The following PCSK6 variants were observed in gnomAD, a reference collection of about 807,000 sequenced individuals.
PCSK6 encodes proprotein convertase subtilisin/kexin type 6, also known as paired basic amino acid cleaving enzyme 4.
In PCSK6, 85 loss-of-function variants were observed where a neutral mutation model predicts 123.3. That is an observed-to-expected ratio of 0.69 (90% CI 0.58 to 0.83). The LOEUF (loss-of-function observed/expected upper bound fraction) is 0.83. Among genes scored for constraint, PCSK6 ranks in the 40% least tolerant of loss-of-function variants. The pLI is 0.00. For missense variants in PCSK6, 1,191 were observed against 1,282.3 expected (o/e 0.93, Z 1.09); for synonymous variants, 508 against 516.0 (o/e 0.98, Z 0.21).
At chr15:101,406,777 C>T (rs962383543) in intron 6 of PCSK6, among the ~76,000 whole-genome samples, 5 of 152,096 alleles carry the variant, frequency 3.3e-5, no homozygotes, top group East Asian at 1.9e-4. Context: ...TGTGGGGACG[C>T]GCGGGGGATC....
chr15:101,374,050 G>A (rs1410571225), intron 11 of PCSK6, among the ~76,000 whole-genome samples: 2 of 152,182 alleles, frequency 1.3e-5, no homozygotes, highest in African/African-American at 4.8e-5. Context: ...CCTGGAGACC[G>A]TGCGTTGTTG....
At chr15:101,466,927 C>T (rs1006511831) in intron 1 of PCSK6, among the ~76,000 whole-genome samples, 1 of 151,908 alleles carries the variant, frequency 6.6e-6, no homozygotes, top group African/African-American at 2.4e-5. Context: ...AGATGGGGTG[C>T]GGGGACAGTT....
At chr15:101,461,557 G>T (rs1268056502) in intron 1 of PCSK6, among the ~76,000 whole-genome samples, 1 of 152,128 alleles carries the variant, frequency 6.6e-6, no homozygotes, top group Non-Finnish European at 1.5e-5. Context: ...GGAAACTCTA[G>T]GTCCACTTTA....
intron 7 of PCSK6, 29 bp from the exon 8 acceptor site, chr15:101,393,453 C>A: frequency 6.3e-7 from 1 of 1,579,856 alleles, no homozygotes; most frequent in Non-Finnish European, 8.6e-7. Flanking sequence ...CAAGGCTTAG[C>A]CCCGCAGCAG....
At chr15:101,319,086 T>C (rs1319557219) in intron 18 of PCSK6, among the ~76,000 whole-genome samples, 1 of 152,202 alleles carries the variant, frequency 6.6e-6, no homozygotes, top group African/African-American at 2.4e-5. Flanking sequence ...CTTCCCAGTG[T>C]TCGACCCCAA....
At chr15:101,480,700 C>CAGTGGGGCCTCCAGGGCACT (rs1199383214) in intron 1 of PCSK6, among the ~76,000 whole-genome samples, 1 of 152,184 alleles carries the variant, frequency 6.6e-6, no homozygotes, top group South Asian at 2.1e-4. Flanking sequence ...TCCAGGGCAC[C>CAGTGGGGCCTCCAGGGCACT]AGTGGGGCCT....
chr15:101,326,508 CAG>C, intron 15 of PCSK6, 29 bp from the exon 16 acceptor site: 1 of 1,538,360 alleles, frequency 6.5e-7, no homozygotes, highest in Non-Finnish European at 8.8e-7. Flanking sequence ...GCCTTTCATC[CAG>C]AGAGACGCCT....
chr15:101,460,346 G>C (rs756021432), intron 1 of PCSK6, among the ~76,000 whole-genome samples: 1 of 151,940 alleles, frequency 6.6e-6, no homozygotes, highest in Non-Finnish European at 1.5e-5. Context: ...TCCTTCACCA[G>C]TATTATGCTG....
At chr15:101,428,561 G>C (rs1024878584) in intron 5 of PCSK6, among the ~76,000 whole-genome samples, 2 of 152,198 alleles carry the variant, frequency 1.3e-5, no homozygotes, top group Non-Finnish European at 2.9e-5. Context: ...CAGCAGCTGG[G>C]AGACTATGAA....
intron 6 of PCSK6, among the ~76,000 whole-genome samples, chr15:101,410,562 G>A (rs1419021296): frequency 6.6e-6 from 1 of 152,234 alleles, no homozygotes; most frequent in African/African-American, 2.4e-5. Context: ...TTTAGGCCAG[G>A]AGGAAGAGGC....
intron 20 of PCSK6, among the ~76,000 whole-genome samples, chr15:101,309,634 C>T (rs970132419): frequency 1.3e-5 from 2 of 152,240 alleles, no homozygotes; most frequent in Admixed American, 6.5e-5. Flanking sequence ...ACGCAGCATG[C>T]GCATTGGCAG....
intron 13 of PCSK6, among the ~76,000 whole-genome samples, chr15:101,350,281 C>A (rs1358204631): frequency 6.6e-6 from 1 of 152,070 alleles, no homozygotes; most frequent in Admixed American, 6.6e-5. Flanking sequence ...GTTTTCTTTA[C>A]GAATTGCTTT....
intron 1 of PCSK6, among the ~76,000 whole-genome samples, chr15:101,455,386 C>T (rs886069493): frequency 6.6e-6 from 1 of 152,242 alleles, no homozygotes; most frequent in African/African-American, 2.4e-5. Context: ...TGGCCCCTCT[C>T]TATTGTGTGG....
intron 1 of PCSK6, among the ~76,000 whole-genome samples, chr15:101,456,195 G>A (rs2057172993): frequency 6.6e-6 from 1 of 152,140 alleles, no homozygotes; most frequent in Admixed American, 6.5e-5. Context: ...AGAGAAGACA[G>A]ATCATCCTAC....
intron 13 of PCSK6, chr15:101,364,844 C>A: frequency 1.8e-6 from 1 of 562,006 alleles, no homozygotes; most frequent in Non-Finnish European, 3.3e-6. Flanking sequence ...CCCAAAATAG[C>A]CAAAACAATC....
At chr15:101,413,958 T>C (rs2055796786) in intron 6 of PCSK6, among the ~76,000 whole-genome samples, 2 of 152,168 alleles carry the variant, frequency 1.3e-5, no homozygotes, top group African/African-American at 4.8e-5. Context: ...AATTCAAATA[T>C]AACAATATAG....
intron 13 of PCSK6, among the ~76,000 whole-genome samples, chr15:101,349,184 C>G (rs117414536): frequency 6.6e-6 from 1 of 152,080 alleles, no homozygotes; most frequent in Admixed American, 6.5e-5. Flanking sequence ...GGCTCTGCCC[C>G]GGGGGCCTGC....
rs201906327 is a variant in PCSK6, at chr15:101,438,932, G to A, written c.402+4624C>T. Among the ~76,000 whole-genome samples, 29 of 152,362 alleles carry A rather than the reference G, an allele frequency of 1.9e-4. No individual in the cohort carries two copies. In the East Asian group the frequency reaches 4.2e-3, roughly 22 times the overall value. ...CAACAGCAGGGGAAGGTGGGGAGCCGTCTGTGCAAAAGCTCTGCAGAGGGA... is the reference window on the plus strand; with the variant it reads ...CAACAGCAGGGGAAGGTGGGGAGCCATCTGTGCAAAAGCTCTGCAGAGGGA... On this transcript the variant is annotated intron_variant, in intron 2 of 21. Transcript: ENST00000611716.
rs140860538 is a variant in PCSK6, at chr15:101,333,373, C to T, written c.1859-1342G>A. On this transcript the variant is annotated intron_variant, in intron 13 of 21. Coordinates refer to ENST00000611716, the MANE Select transcript of PCSK6 (RefSeq NM_002570.5). ...ACACACATGTTCAGCTGTGAACCCC[C>T]TCAGTGGGCCCTCATGACTGTCTCC... is the stretch of plus-strand genomic sequence containing the variant. 1.2e-4 allele frequency among the ~76,000 whole-genome samples: 18 copies of T among 152,326 alleles called. No homozygotes were observed. The East Asian group carries it at 2.9e-3, about 24-fold the overall frequency.
Sources: allele counts gnomAD v4.1 joint callset (sites outside exome capture counted in the v4.1 genomes callset), GRCh38; gene constraint gnomAD v4.1.1; transcripts MANE v1.5; gene names NCBI Gene and HGNC (gene_info 2026-07-23, HGNC 2026-07-21).